Variants in TBC1D32 observed in about 807,000 individuals in gnomAD.
TBC1D32 encodes the protein TBC1 domain family member 32.
A neutral mutation model predicts 170.3 loss-of-function variants in TBC1D32; 151 were observed. That is an observed-to-expected ratio of 0.89 (90% CI 0.78 to 1.01). TBC1D32 has a LOEUF of 1.01. Among genes scored for constraint, TBC1D32 ranks in the 50% least tolerant of loss-of-function variants. The pLI, the probability that TBC1D32 is intolerant of heterozygous loss-of-function variation, is 0.00. For synonymous variants in TBC1D32, 498 were observed against 488.0 expected, an observed-to-expected ratio of 1.02 and a Z score of -0.27; for missense variants, 1,464 against 1,457.1, an observed-to-expected ratio of 1.00 and a Z score of -0.08.
chr6:121,138,807 A>G (rs1782428770), intron 24 of TBC1D32, among the ~76,000 whole-genome samples: 1 of 152,140 alleles, frequency 6.6e-6, no homozygotes, highest in Non-Finnish European at 1.5e-5. Context: ...AATATCTGTC[A>G]TCATGTTATA....
intron 21 of TBC1D32, among the ~76,000 whole-genome samples, chr6:121,210,752 A>G (rs1211396664): frequency 1.3e-5 from 2 of 152,258 alleles, no homozygotes; most frequent in Non-Finnish European, 2.9e-5. Context: ...AAAAGGTCAG[A>G]GAGATTCAAA....
chr6:121,317,342 A>G (rs1338423738), intron 3 of TBC1D32, among the ~76,000 whole-genome samples, 153 bp downstream of exon 3: 1 of 152,150 alleles, frequency 6.6e-6, no homozygotes, highest in African/African-American at 2.4e-5. Context: ...ATGTTATTTC[A>G]TGGACTAAAT....
At chr6:121,181,212 A>G (rs563851220) in intron 22 of TBC1D32, among the ~76,000 whole-genome samples, 1 of 152,206 alleles carries the variant, frequency 6.6e-6, no homozygotes, top group Non-Finnish European at 1.5e-5. Context: ...TATAACTACC[A>G]TATTGATATG....
At chr6:121,124,606 G>A (rs918436590) in intron 26 of TBC1D32, among the ~76,000 whole-genome samples, 3 of 151,826 alleles carry the variant, frequency 2.0e-5, no homozygotes, top group Non-Finnish European at 4.4e-5. Context: ...TATTTTTCCT[G>A]GAATAAACTT....
At chr6:121,170,528 C>A (rs762043873) in intron 22 of TBC1D32, 6 of 1,518,652 alleles carry the variant, frequency 4.0e-6, no homozygotes, top group South Asian at 1.4e-5. Flanking sequence ...ACTTAATAAC[C>A]TATATAAAAA....
intron 22 of TBC1D32, among the ~76,000 whole-genome samples, chr6:121,179,936 C>T (rs2128270270): frequency 6.6e-6 from 1 of 152,212 alleles, no homozygotes; most frequent in Admixed American, 6.6e-5. Context: ...TTGCAATGTG[C>T]TTCCAGTGTC....
At chr6:121,288,903 C>T (rs1804339841) in intron 12 of TBC1D32, among the ~76,000 whole-genome samples, 2 of 151,918 alleles carry the variant, frequency 1.3e-5, no homozygotes, top group South Asian at 2.1e-4. Flanking sequence ...CGACAAAAAC[C>T]ATATGATTAT....
At position 121,097,756 on chromosome 6, in the gene TBC1D32, C is replaced by T. The variant is rs762889656; in HGVS notation, c.3466-6715G>A. ...GACACATGCACACGTATGTTTATAG[C>T]GGCACTATTCACAATAGCAAAGACT... On this transcript the variant is annotated intron_variant, in intron 30 of 31. Coordinates refer to ENST00000398212, the MANE Select transcript of TBC1D32 (RefSeq NM_152730.6). Among the ~76,000 whole-genome samples the T allele has an allele frequency of 5.9e-5, 9 of 152,038 alleles. 1 individual carries two copies. Among genetic ancestry groups the T allele is most frequent in the South Asian group, 4.1e-4 (2 of 4,822 alleles).
intron 4 of TBC1D32, among the ~76,000 whole-genome samples, chr6:121,309,900 G>A (rs1440119466): frequency 6.6e-6 from 1 of 152,090 alleles, no homozygotes; most frequent in Non-Finnish European, 1.5e-5. Flanking sequence ...CAGGTGCAGT[G>A]GCGTGCATCT....
rs778599694 is a variant in TBC1D32, at chr6:121,113,177, C to A, written c.3054G>T (p.Arg1018Ser). 6.3e-7 allele frequency: 1 copy of A among 1,592,072 alleles called. No individual in the cohort carries two copies. Among genetic ancestry groups the A allele is most frequent in the Non-Finnish European group, 8.5e-7 (1 of 1,170,530 alleles). ...VQQLGIKMTVRYGKFLSLLKD... is the reference protein window; with the variant it reads ...VQQLGIKMTVSYGKFLSLLKD... ...TTAAGAGACTGAGGAATTTGCCATA[C>A]CTATATTAAAAGCCCACAAAACATA... The change falls in exon 28 of 32, where the codon AGG (arginine) becomes AGT (serine). Residue 1018 changes from arginine (R) to serine (S), a missense_variant and splice_region_variant. By Grantham distance (110) the Arg-to-Ser change is moderately radical. Around this residue, in one of 3 missense-constraint regions of TBC1D32, gnomAD observed 1,363 missense variants for 1,338.1 expected, o/e 1.02. Transcript: ENST00000398212.
intron 30 of TBC1D32, among the ~76,000 whole-genome samples, chr6:121,095,332 A>T (rs747824513): frequency 1.3e-5 from 2 of 152,222 alleles, no homozygotes; most frequent in African/African-American, 2.4e-5. Context: ...GAGGTAAATT[A>T]TTCCTCCTTG....
chr6:121,150,157 A>C (rs1039073762), intron 24 of TBC1D32, among the ~76,000 whole-genome samples: 1 of 152,160 alleles, frequency 6.6e-6, no homozygotes, highest in Non-Finnish European at 1.5e-5. Flanking sequence ...GTTTCTCATA[A>C]ATAACTCTTA....
chr6:121,138,105 G>C (rs184993898), intron 24 of TBC1D32, among the ~76,000 whole-genome samples: 1 of 152,068 alleles, frequency 6.6e-6, no homozygotes, highest in East Asian at 1.9e-4. Context: ...AAAAACATTG[G>C]AGTGGTCCCT....
Position 121,308,464 on chromosome 6 carries a change from A to G in TBC1D32, c.565-363T>C, listed in dbSNP as rs940839344. Among the ~76,000 whole-genome samples, 8 of 151,902 alleles carry G rather than the reference A, an allele frequency of 5.3e-5. No individual in the cohort carries two copies. The East Asian group carries it at 1.5e-3, about 29-fold the overall frequency. On this transcript the variant is annotated intron_variant, in intron 4 of 31. Transcript: ENST00000398212. ...TTTCCCTATTCTAGGCCGTTCCTAC[A>G]GTTTGAGGGCTTTAATTTCAAAACA...
chr6:121,331,263 C>T (rs1811176056), intron 1 of TBC1D32, among the ~76,000 whole-genome samples: 1 of 152,144 alleles, frequency 6.6e-6, no homozygotes, highest in African/African-American at 2.4e-5. Flanking sequence ...GGCTGGAGTG[C>T]AGTGGCACGA....
intron 24 of TBC1D32, 119 bp downstream of exon 24, chr6:121,159,889 TAA>T: frequency 1.6e-6 from 1 of 613,956 alleles, no homozygotes; most frequent in South Asian, 2.6e-5. Flanking sequence ...GAAATAGGCA[TAA>T]ATGCACACAT....
At chr6:121,115,695 T>C (rs1319145854) in intron 26 of TBC1D32, 1 of 152,468 alleles carries the variant, frequency 6.6e-6, no homozygotes, top group Non-Finnish European at 1.5e-5. Flanking sequence ...GTAGAATGAA[T>C]GAATTTCTTC....
At chr6:121,101,938 C>A (rs983137729) in intron 30 of TBC1D32, among the ~76,000 whole-genome samples, 1 of 152,070 alleles carries the variant, frequency 6.6e-6, no homozygotes, top group Admixed American at 6.6e-5. Context: ...TTCTTATACA[C>A]CGATAACAGA....
chr6:121,189,005 C>T (rs2128283299), intron 22 of TBC1D32, among the ~76,000 whole-genome samples: 1 of 152,054 alleles, frequency 6.6e-6, no homozygotes, highest in South Asian at 2.1e-4. Flanking sequence ...ATTATTTTCA[C>T]CTTATTAAAT....
Sources: gnomAD v4.1 joint callset for allele counts (sites outside exome capture counted in the v4.1 genomes callset) on GRCh38, gnomAD v4.1.1 for gene constraint, gnomAD v4.1.1 regional missense constraint, MANE v1.5 for transcripts, NCBI Gene and HGNC (gene_info 2026-07-23, HGNC 2026-07-21) for gene names.